The following PRELID2 variants were observed in gnomAD, a reference collection of about 807,000 sequenced individuals.
The protein encoded by PRELID2 is PRELI domain containing 2.
PRELID2 carries 25 observed loss-of-function variants against 28.4 expected under a neutral mutation model. The ratio of observed to expected loss-of-function variants is 0.88; its 90% confidence interval spans 0.64 to 1.23. The LOEUF (loss-of-function observed/expected upper bound fraction) is 1.23. PRELID2 is among the 50% of genes most tolerant of loss of function. The pLI is 0.00. For synonymous variants in PRELID2, 76 were observed against 71.6 expected (o/e 1.06, Z -0.31); for missense variants, 201 against 214.4 (o/e 0.94, Z 0.39).
At chr5:145,807,931 T>C (rs994144982) in intron 4 of PRELID2, among the ~76,000 whole-genome samples, 1 of 152,174 alleles carries the variant, frequency 6.6e-6, no homozygotes, top group Non-Finnish European at 1.5e-5. Context: ...TCTGATTATA[T>C]GAACACAAAC....
At chr5:145,234,360 G>A in the PRELID2 span, among the ~76,000 whole-genome samples, 3 of 152,060 alleles carry the variant, frequency 2.0e-5, no homozygotes, top group African/African-American at 7.2e-5. Flanking sequence ...GAAAACTGAG[G>A]CTTAGAGGTT....
chr5:145,475,616 A>G (rs759888880), intron 1 of PRELID2, among the ~76,000 whole-genome samples: 14 of 152,194 alleles, frequency 9.2e-5, no homozygotes, highest in Non-Finnish European at 2.1e-4. Context: ...AAAAAAGTTG[A>G]CCAAGATGTT....
chr5:145,809,923 C>T (rs1753814501), intron 4 of PRELID2, among the ~76,000 whole-genome samples: 1 of 152,124 alleles, frequency 6.6e-6, no homozygotes, highest in Admixed American at 6.5e-5. Context: ...AAATCAAATG[C>T]ATGTCAATTA....
the PRELID2 span, among the ~76,000 whole-genome samples, chr5:145,254,032 G>A: frequency 6.6e-6 from 1 of 151,942 alleles, no homozygotes; most frequent in Non-Finnish European, 1.5e-5. Context: ...CACACATAAC[G>A]ACAAGAAGGC....
chr5:145,351,015 A>AT, the PRELID2 span, among the ~76,000 whole-genome samples: 2,117 of 152,302 alleles, frequency 0.014, 42 homozygotes, highest in African/African-American at 0.048. Flanking sequence ...TATTTGGGAT[A>AT]TTTAGGTAAT....
intron 1 of PRELID2, among the ~76,000 whole-genome samples, chr5:145,570,006 C>G (rs910357836): frequency 6.6e-6 from 1 of 152,154 alleles, no homozygotes. Flanking sequence ...TGGATTCCTT[C>G]AGAGGGCTGC....
rs1405485033 is a variant in PRELID2, at chr5:145,835,227, G to A, written c.25C>T (p.Gln9Ter). MGVSVDVH[Q>*]VYKYPFEQVV... is the part of the protein sequence containing the mutation. ...TGCTCGAAGGGGTACTTGTACACCTGGTGCACATCCACCGAGACCCCCATC... is the reference window on the plus strand; with the variant it reads ...TGCTCGAAGGGGTACTTGTACACCTAGTGCACATCCACCGAGACCCCCATC... Residue 9 changes from glutamine (Q) to a stop codon, truncating the protein, a stop_gained, in exon 1 of 7, where the codon CAG (glutamine) becomes TAG (stop). Coordinates refer to ENST00000683046, the MANE Select transcript of PRELID2 (RefSeq NM_205846.3). LOFTEE classifies it high-confidence loss of function. 2 of 1,547,230 alleles carry A rather than the reference G, an allele frequency of 1.3e-6. No individual in the cohort carries two copies. The highest frequency in any genetic ancestry group is 3.9e-5 in the Admixed American group (2 of 50,666).
At chr5:145,816,805 T>C (rs1754335464) in intron 4 of PRELID2, among the ~76,000 whole-genome samples, 1 of 152,194 alleles carries the variant, frequency 6.6e-6, no homozygotes, top group Admixed American at 6.5e-5. Flanking sequence ...CAAAGAACTA[T>C]ACACTAAGAA....
intron 1 of PRELID2, among the ~76,000 whole-genome samples, chr5:145,743,655 G>A (rs1035256644): frequency 3.9e-5 from 6 of 152,176 alleles, no homozygotes; most frequent in East Asian, 3.9e-4. Context: ...CGTGGAAACC[G>A]TGCTTTTTCC....
chr5:145,545,203 T>C (rs2126675828), intron 1 of PRELID2, among the ~76,000 whole-genome samples: 1 of 152,236 alleles, frequency 6.6e-6, no homozygotes, highest in Admixed American at 6.5e-5. Context: ...GAACGTCTGA[T>C]TTGGAGGTAG....
At chr5:145,271,031 C>T in the PRELID2 span, among the ~76,000 whole-genome samples, 1 of 152,012 alleles carries the variant, frequency 6.6e-6, no homozygotes, top group African/African-American at 2.4e-5. Flanking sequence ...GAGTGAGGAG[C>T]AAACGGGAAA....
chr5:145,755,826 C>A (rs1757242363), downstream of PRELID2, among the ~76,000 whole-genome samples: 1 of 152,136 alleles, frequency 6.6e-6, no homozygotes, highest in Non-Finnish European at 1.5e-5. Flanking sequence ...AGGGCTCTAC[C>A]CCTAAAGGAA....
chr5:145,547,137 TG>T lies in PRELID2; in HGVS notation n.71-73823del, dbSNP rs148667432. 7.6e-3 allele frequency among the ~76,000 whole-genome samples: 1,159 copies of T among 152,340 alleles called. 12 individuals carry two copies. The highest frequency in any genetic ancestry group is 0.021 in the African/African-American group (862 of 41,576). ...TTCTTTGCTCTAGGTTCTCAAAATTTGGCAGCAAAGTCTGCTTTTGACAGCT... is the reference window on the plus strand; with the variant it reads ...TTCTTTGCTCTAGGTTCTCAAAATTTGCAGCAAAGTCTGCTTTTGACAGCT... On this transcript the variant is annotated intron_variant and non_coding_transcript_variant, in intron 1 of 2. Coordinates refer to the PRELID2 transcript ENST00000510259.
chr5:145,462,512 A>G, the PRELID2 span, among the ~76,000 whole-genome samples: 1 of 152,220 alleles, frequency 6.6e-6, no homozygotes, highest in Non-Finnish European at 1.5e-5. Context: ...AGAAACATCT[A>G]AGTCATTTAA....
chr5:145,725,903 G>A (rs544123640), intron 1 of PRELID2, among the ~76,000 whole-genome samples: 6 of 152,214 alleles, frequency 3.9e-5, no homozygotes, highest in East Asian at 3.9e-4. Context: ...GAATTTACAC[G>A]TGGGTGCAGT....
chr5:145,297,769 A>T, the PRELID2 span, among the ~76,000 whole-genome samples: 1 of 152,106 alleles, frequency 6.6e-6, no homozygotes, highest in Non-Finnish European at 1.5e-5. Flanking sequence ...ACTTCAGCAA[A>T]GTCTCAGGAT....
chr5:145,572,182 G>A (rs1340034423), intron 1 of PRELID2, among the ~76,000 whole-genome samples: 1 of 151,964 alleles, frequency 6.6e-6, no homozygotes, highest in Non-Finnish European at 1.5e-5. Flanking sequence ...GAAAATTTTG[G>A]CTTCTCCAGT....
chr5:145,361,126 G>A, the PRELID2 span, among the ~76,000 whole-genome samples: 1 of 152,070 alleles, frequency 6.6e-6, no homozygotes, highest in African/African-American at 2.4e-5. Flanking sequence ...TCTATTTTGA[G>A]TTATCTTTCT....
intron 1 of PRELID2, among the ~76,000 whole-genome samples, chr5:145,721,129 T>A (rs910921492): frequency 9.2e-5 from 14 of 152,258 alleles, no homozygotes; most frequent in African/African-American, 3.4e-4. Flanking sequence ...ACAGCTAGAT[T>A]TTCATATGTG....
Sources: gnomAD v4.1 joint callset for allele counts (sites outside exome capture counted in the v4.1 genomes callset) on GRCh38, gnomAD v4.1.1 for gene constraint, MANE v1.5 for transcripts, NCBI Gene and HGNC (gene_info 2026-07-23, HGNC 2026-07-21) for gene names.